Variants in TRIM61 observed in about 807,000 individuals in gnomAD.
TRIM61 encodes tripartite motif containing 61.
A neutral mutation model predicts 14.2 loss-of-function variants in TRIM61; 1 was observed. The observed-to-expected ratio is 0.07, with a 90% CI of 0.03 to 0.33. TRIM61 has a LOEUF of 0.33. TRIM61 is among the 10% of genes least tolerant of loss of function. TRIM61 has a pLI of 0.99. For synonymous variants in TRIM61, 8 were observed against 71.6 expected (o/e 0.11, Z 4.49); for missense variants, 19 against 202.2 (o/e 0.09, Z 5.49).
chr4:164,966,936 A>G (rs1201065232), intron 3 of TRIM61, among the ~76,000 whole-genome samples: 2 of 152,134 alleles, frequency 1.3e-5, no homozygotes, highest in Non-Finnish European at 2.9e-5. Flanking sequence ...CAAAAATAAA[A>G]AAAAAATAAA....
At chr4:164,965,761 ATCATAACAATG>A (rs936423769) in intron 3 of TRIM61, among the ~76,000 whole-genome samples, 2 of 148,712 alleles carry the variant, frequency 1.3e-5, no homozygotes, top group Non-Finnish European at 3.0e-5. Flanking sequence ...CATTGTAAAT[ATCATAACAATG>A]TATTTCCCAA....
chr4:164,976,771 T>C lies in TRIM61; in HGVS notation c.-421A>G, dbSNP rs1339702423. The C allele has an allele frequency of 6.6e-6, 1 of 152,230 alleles. No individual in the cohort carries two copies. The highest frequency in any genetic ancestry group is 2.4e-5 in the African/African-American group (1 of 41,456). The allele number at this position is 152,230 out of a possible 1,614,324, so 9.4% of individuals were successfully genotyped here. A position where few individuals can be genotyped will look rare whatever the true frequency, so the allele number is the denominator to read the frequency against. On this transcript the variant is annotated 5_prime_UTR_variant, in exon 2 of 5. Coordinates refer to ENST00000329314, the MANE Select transcript of TRIM61 (RefSeq NM_001012414.3). ...TTCTGACTCAGTAGGGCTGGTTTTT[T>C]CCTAAGTTCCCAGATGATGCTGCTG...
At chr4:164,968,077 G>A (rs1057501182) in intron 3 of TRIM61, 15 of 744,938 alleles carry the variant, frequency 2.0e-5, no homozygotes, top group Non-Finnish European at 2.5e-5. Context: ...GCTTGAACCT[G>A]GGAGACGGAG....
At chr4:164,969,232 G>A in intron 3 of TRIM61, 1 of 1,362,928 alleles carries the variant, frequency 7.3e-7, no homozygotes, top group Non-Finnish European at 9.4e-7. Context: ...TCTCATATCT[G>A]TGATAGATAT....
intron 3 of TRIM61, among the ~76,000 whole-genome samples, chr4:164,955,582 A>C (rs956503027): frequency 1.3e-5 from 2 of 151,896 alleles, no homozygotes; most frequent in African/African-American, 2.4e-5. Context: ...AAAAAAAAAA[A>C]AAAAAAAACA....
rs370979379 is a variant in TRIM61, at chr4:164,963,882, AGAGT to A, written c.525+5592_525+5595del. On this transcript the variant is annotated intron_variant, in intron 3 of 4. Coordinates refer to ENST00000329314, the MANE Select transcript of TRIM61 (RefSeq NM_001012414.3). The stretch of plus-strand genomic sequence containing the variant: ...CACTTCTAAATACCTCTTGGGTCAA[AGAGT>A]GAGTCTCAGGGAAATTAAATATTTT... 6.3e-4 allele frequency among the ~76,000 whole-genome samples: 96 copies of A among 152,332 alleles called. 2 individuals carry two copies. In the East Asian group the frequency reaches 0.012, roughly 18 times the overall value.
intron 2 of TRIM61, 130 bp from the exon 3 acceptor site, chr4:164,970,469 C>T (rs1732338552): frequency 5.8e-6 from 1 of 172,412 alleles, no homozygotes; most frequent in Non-Finnish European, 1.2e-5. Flanking sequence ...TCTCATATTG[C>T]AGAGATTCAC....
At chr4:164,956,853 A>T in intron 3 of TRIM61, 1 of 667,006 alleles carries the variant, frequency 1.5e-6, no homozygotes, top group Non-Finnish European at 2.5e-6. Flanking sequence ...TCAGCACCCC[A>T]AGCACTGCAG....
At position 164,967,589 on chromosome 4, in the gene TRIM61, C is replaced by T. The variant is rs552094476; in HGVS notation, c.525+1889G>A. Among the ~76,000 whole-genome samples, 4 of 152,098 alleles carry T rather than the reference C, an allele frequency of 2.6e-5. No individual in the cohort carries two copies. The East Asian group carries it at 7.7e-4, about 29-fold the overall frequency. On this transcript the variant is annotated intron_variant, in intron 3 of 4. Coordinates refer to ENST00000329314, the MANE Select transcript of TRIM61 (RefSeq NM_001012414.3). Reference sequence around the variant, plus strand: ...GTATGTACAGTATGTGTGTGTGTGGCAGAGGAGGATGTAAGAATGCCATCT... The same window carrying T: ...GTATGTACAGTATGTGTGTGTGTGGTAGAGGAGGATGTAAGAATGCCATCT...
chr4:164,962,154 A>T (rs1732150231), intron 3 of TRIM61, among the ~76,000 whole-genome samples: 1 of 152,072 alleles, frequency 6.6e-6, no homozygotes, highest in Non-Finnish European at 1.5e-5. Context: ...GAGGATAAGG[A>T]AGGAGGATAA....
chr4:164,961,930 TA>T (rs1732144590), intron 3 of TRIM61, among the ~76,000 whole-genome samples: 1 of 152,200 alleles, frequency 6.6e-6, no homozygotes, highest in Non-Finnish European at 1.5e-5. Flanking sequence ...TTGTGTAGCT[TA>T]TTGTACCTGT....
chr4:164,969,267 G>A, intron 3 of TRIM61: 1 of 1,429,930 alleles, frequency 7.0e-7, no homozygotes, highest in Non-Finnish European at 9.1e-7. Context: ...AGTAATTCCA[G>A]TTCTGACTTC....
intron 3 of TRIM61, chr4:164,959,085 A>C (rs1242640387): frequency 6.0e-6 from 1 of 167,006 alleles, no homozygotes; most frequent in Non-Finnish European, 1.5e-5. Context: ...TGATACACAA[A>C]TTTTGTTTTA....
intron 3 of TRIM61, among the ~76,000 whole-genome samples, chr4:164,960,831 A>C (rs1732115311): frequency 6.6e-6 from 1 of 152,008 alleles, no homozygotes; most frequent in Admixed American, 6.6e-5. Flanking sequence ...CATGCCTATA[A>C]TACCAGCTAT....
chr4:164,972,704 G>A (rs190526085), intron 2 of TRIM61, among the ~76,000 whole-genome samples: 1 of 152,186 alleles, frequency 6.6e-6, no homozygotes, highest in African/African-American at 2.4e-5. Context: ...GTCCAGGCTG[G>A]TCTTGAACTC....
At chr4:164,967,785 A>T (rs935212414) in intron 3 of TRIM61, among the ~76,000 whole-genome samples, 2 of 152,006 alleles carry the variant, frequency 1.3e-5, no homozygotes, top group African/African-American at 4.8e-5. Context: ...GAATTGCTTG[A>T]GGCCACAAGT....
intron 3 of TRIM61, chr4:164,957,742 T>C: frequency 2.3e-6 from 1 of 426,070 alleles, no homozygotes. Flanking sequence ...TAGGATATGA[T>C]ACGCACACTA....
intron 3 of TRIM61, chr4:164,957,006 G>C: frequency 6.8e-7 from 1 of 1,477,410 alleles, no homozygotes; most frequent in Non-Finnish European, 9.0e-7. Context: ...CCGGGGCAGC[G>C]CCATGTACCA....
chr4:164,956,925 G>A, intron 3 of TRIM61: 2 of 1,211,152 alleles, frequency 1.7e-6, no homozygotes, highest in South Asian at 1.6e-5. Flanking sequence ...GCAGTGATTG[G>A]GTGCGGCCGG....
Sources: allele counts gnomAD v4.1 joint callset (sites outside exome capture counted in the v4.1 genomes callset), GRCh38; gene constraint gnomAD v4.1.1; transcripts MANE v1.5; gene names NCBI Gene and HGNC (gene_info 2026-07-23, HGNC 2026-07-21).